Variants in TNPO3 observed in about 807,000 individuals in gnomAD.
TNPO3 encodes the protein transportin 3.
TNPO3 carries 65 observed loss-of-function variants against 122.8 expected under a neutral mutation model. That is an observed-to-expected ratio of 0.53 (90% confidence interval 0.43 to 0.65). The LOEUF (loss-of-function observed/expected upper bound fraction) is 0.65. Among genes scored for constraint, TNPO3 ranks in the 30% least tolerant of loss-of-function variants. The pLI is 0.00. For missense variants in TNPO3, 850 were observed against 1,136.7 expected, an observed-to-expected ratio of 0.75 and a Z score of 3.63; for synonymous variants, 372 against 411.2, an observed-to-expected ratio of 0.90 and a Z score of 1.15.
At chr7:128,998,651 T>G (rs977519019) in intron 7 of TNPO3, among the ~76,000 whole-genome samples, 2 of 151,658 alleles carry the variant, frequency 1.3e-5, no homozygotes, top group Non-Finnish European at 2.9e-5. Flanking sequence ...GCCTCCTGAG[T>G]AGCTGGGATG....
chr7:128,989,148 T>C (rs1335700150), intron 11 of TNPO3, among the ~76,000 whole-genome samples: 1 of 152,042 alleles, frequency 6.6e-6, no homozygotes, highest in African/African-American at 2.4e-5. Flanking sequence ...AGCAGCTCAG[T>C]GTATAGAAAC....
chr7:128,980,487 A>G (rs1436496233), intron 14 of TNPO3, among the ~76,000 whole-genome samples: 1 of 152,134 alleles, frequency 6.6e-6, no homozygotes, highest in Non-Finnish European at 1.5e-5. Context: ...GCATGCCTGT[A>G]ATCCCAGCTA....
At chr7:128,990,460 C>A (rs1216359281) in intron 10 of TNPO3, among the ~76,000 whole-genome samples, 4 of 152,196 alleles carry the variant, frequency 2.6e-5, no homozygotes, top group African/African-American at 9.7e-5. Flanking sequence ...ATAGCTGCAG[C>A]ACCTAGAACA....
At chr7:129,000,658 C>T (rs1320283321) in intron 6 of TNPO3, 91 bp from the exon 7 acceptor site, 1 of 1,320,116 alleles carries the variant, frequency 7.6e-7, no homozygotes, top group African/African-American at 1.5e-5. Context: ...ATAAAAGGTT[C>T]CTCAGTCTAA....
At chr7:128,971,083 G>A (rs1418388078) in intron 19 of TNPO3, 16 of 149,022 alleles carry the variant, frequency 1.1e-4, no homozygotes, top group African/African-American at 3.7e-4. Context: ...AATTGAAGAC[G>A]TCTATCAGAG....
At chr7:129,054,605 C>G in intron 1 of TNPO3, 46 bp downstream of exon 1, 2 of 1,608,342 alleles carry the variant, frequency 1.2e-6, no homozygotes, top group Non-Finnish European at 1.7e-6. Context: ...TAGGTTCCAC[C>G]CCGCCCCGGC....
chr7:128,974,777 T>A (rs909359714), intron 18 of TNPO3, 91 bp downstream of exon 18: 1 of 1,104,408 alleles, frequency 9.1e-7, no homozygotes, highest in Non-Finnish European at 1.4e-6. Context: ...GTGACTTCAT[T>A]TTACAAGAAT....
At chr7:129,003,117 G>C (rs572030823) in intron 5 of TNPO3, among the ~76,000 whole-genome samples, 13 of 150,082 alleles carry the variant, frequency 8.7e-5, no homozygotes, top group Non-Finnish European at 1.6e-4. Flanking sequence ...CAGCTACTCA[G>C]GAGGCTGAGG....
In TNPO3 at chr7:129,054,815, G is replaced by A. The variant is rs745310754; in HGVS notation, c.-45C>T. On this transcript the variant is annotated 5_prime_UTR_variant, in exon 1 of 23. Coordinates refer to ENST00000265388, the MANE Select transcript of TNPO3 (RefSeq NM_012470.4). The stretch of plus-strand genomic sequence containing the variant: ...GTAGCGACGGCTCTGATTCTTCTCC[G>A]GAGGATTCCTCGGTTGCTCCGCCTT... 1.2e-6 allele frequency: 2 copies of A among 1,612,586 alleles called. No individual in the cohort carries two copies. Among genetic ancestry groups the A allele is most frequent in the Middle Eastern group, 1.7e-4 (1 of 6,056 alleles).
chr7:128,982,163 G>A (rs187152033), intron 14 of TNPO3, 85 bp downstream of exon 14: 300 of 1,199,350 alleles, frequency 2.5e-4, no homozygotes, highest in Non-Finnish European at 2.9e-4. Context: ...GGAAGTATGA[G>A]GAAAAAATAC....
chr7:129,023,693 G>A (rs1804792610), intron 1 of TNPO3, among the ~76,000 whole-genome samples: 1 of 152,128 alleles, frequency 6.6e-6, no homozygotes, highest in Non-Finnish European at 1.5e-5. Flanking sequence ...GCCACCACAG[G>A]CCATTTTTGG....
chr7:129,004,926 G>A, intron 5 of TNPO3, 90 bp downstream of exon 5: 2 of 1,305,106 alleles, frequency 1.5e-6, no homozygotes, highest in Middle Eastern at 2.4e-4. Flanking sequence ...CAGTTACTGT[G>A]CAAAAATTTA....
chr7:129,046,259 T>C (rs1808045986), intron 1 of TNPO3, among the ~76,000 whole-genome samples: 1 of 150,940 alleles, frequency 6.6e-6, no homozygotes, highest in African/African-American at 2.4e-5. Context: ...GTTTAAATAG[T>C]CACACTAGAC....
chr7:129,031,809 T>C (rs182281544), intron 1 of TNPO3, among the ~76,000 whole-genome samples: 55 of 152,250 alleles, frequency 3.6e-4, no homozygotes, highest in African/African-American at 1.1e-3. Context: ...TACCAACAAA[T>C]GGAATTCAAT....
chr7:128,987,083 A>C (rs1800240150), intron 11 of TNPO3, among the ~76,000 whole-genome samples, 163 bp from the exon 12 acceptor site: 1 of 152,202 alleles, frequency 6.6e-6, no homozygotes, highest in African/African-American at 2.4e-5. Flanking sequence ...ATAAAAATAG[A>C]GCTGATCTCA....
At chr7:129,046,777 A>G (rs1052333033) in intron 1 of TNPO3, among the ~76,000 whole-genome samples, 1 of 152,194 alleles carries the variant, frequency 6.6e-6, no homozygotes, top group African/African-American at 2.4e-5. Context: ...GGAAGAGCAA[A>G]GCGACGTCTT....
At chr7:128,999,434 C>T (rs534006938) in intron 7 of TNPO3, among the ~76,000 whole-genome samples, 35 of 152,224 alleles carry the variant, frequency 2.3e-4, no homozygotes, top group African/African-American at 6.7e-4. Context: ...TAGGTATCCT[C>T]GTAACATTAT....
intron 16 of TNPO3, among the ~76,000 whole-genome samples, chr7:128,976,528 C>T (rs12706861): frequency 0.09 from 13,721 of 152,018 alleles, 862 homozygotes; most frequent in South Asian, 0.15. Flanking sequence ...GGCTGGAGTG[C>T]AGTGGTGAGA....
intron 1 of TNPO3, among the ~76,000 whole-genome samples, chr7:129,042,225 T>C (rs1584592506): frequency 1.3e-5 from 2 of 152,178 alleles, no homozygotes; most frequent in East Asian, 3.8e-4. Context: ...CAATAACACT[T>C]GAAAAGTAAC....
Sources: allele counts gnomAD v4.1 joint callset (sites outside exome capture counted in the v4.1 genomes callset), GRCh38; gene constraint gnomAD v4.1.1; transcripts MANE v1.5; gene names NCBI Gene and HGNC (gene_info 2026-07-23, HGNC 2026-07-21).